The following RHPN2 variants were observed in gnomAD, a reference collection of about 807,000 sequenced individuals.
RHPN2 encodes rhophilin-2.
In RHPN2, 40 loss-of-function variants were observed where a neutral mutation model predicts 79.0. That is an observed-to-expected ratio of 0.51 (90% CI 0.39 to 0.66). RHPN2 has a LOEUF of 0.66. RHPN2 is among the 30% of genes least tolerant of loss of function. The probability of loss-of-function intolerance (pLI) is 0.00; values close to 1 mark genes in which losing one functional copy is unlikely to be tolerated. For synonymous variants in RHPN2, 285 were observed against 363.5 expected, an observed-to-expected ratio of 0.78 and a Z score of 2.46; for missense variants, 686 against 883.5, an observed-to-expected ratio of 0.78 and a Z score of 2.83.
intron 1 of RHPN2, among the ~76,000 whole-genome samples, chr19:33,060,544 T>G (rs1187849969): frequency 6.6e-6 from 1 of 151,956 alleles, no homozygotes; most frequent in Non-Finnish European, 1.5e-5. Context: ...GTTTGTTTGT[T>G]TTTTGTGAGA....
intron 14 of RHPN2, among the ~76,000 whole-genome samples, chr19:32,986,743 G>A (rs1267577270): frequency 1.4e-5 from 2 of 148,024 alleles, no homozygotes; most frequent in African/African-American, 5.0e-5. Flanking sequence ...GCAGTGAGCC[G>A]AGATCACGCC....
intron 1 of RHPN2, among the ~76,000 whole-genome samples, chr19:33,062,779 A>C (rs1271465144): frequency 5.3e-5 from 7 of 132,704 alleles, no homozygotes; most frequent in African/African-American, 2.1e-4. Context: ...TAATAATAAT[A>C]ATAATAATAA....
At chr19:33,003,142 T>TC in intron 7 of RHPN2, 142 bp from the exon 8 acceptor site, 1 of 742,632 alleles carries the variant, frequency 1.3e-6, no homozygotes, top group Non-Finnish European at 2.3e-6. Context: ...GCAGATCACT[T>TC]GTATCAGGAA....
chr19:33,050,633 C>G (rs10425798), intron 1 of RHPN2, among the ~76,000 whole-genome samples: 52,203 of 152,024 alleles, frequency 0.34, 10,885 homozygotes, highest in African/African-American at 0.54. Context: ...TGCTCAATAC[C>G]ATGTTTTCAG....
chr19:32,998,824 G>A (rs1255658001), intron 10 of RHPN2, among the ~76,000 whole-genome samples: 2 of 137,590 alleles, frequency 1.5e-5, no homozygotes, highest in African/African-American at 2.7e-5. Context: ...GAGAGGGGAA[G>A]GGTGAGGGGA....
chr19:32,993,083 A>AGCTATG (rs1971673850), intron 12 of RHPN2, among the ~76,000 whole-genome samples: 1 of 152,130 alleles, frequency 6.6e-6, no homozygotes, highest in Admixed American at 6.6e-5. Context: ...ATGCCGCTGT[A>AGCTATG]ATCCAGCCTA....
chr19:32,983,501 C>T (rs1432674201), intron 14 of RHPN2, among the ~76,000 whole-genome samples: 4 of 149,990 alleles, frequency 2.7e-5, no homozygotes, highest in East Asian at 2.0e-4. Flanking sequence ...GGTGACAGAA[C>T]GAGACTGTCT....
intron 14 of RHPN2, among the ~76,000 whole-genome samples, chr19:32,982,155 C>A (rs534559855): frequency 6.6e-6 from 1 of 152,272 alleles, no homozygotes; most frequent in South Asian, 2.1e-4. Context: ...CACCTGTAAT[C>A]CCAACATTTT....
At chr19:32,998,390 C>T (rs1330158848) in intron 10 of RHPN2, among the ~76,000 whole-genome samples, 4 of 152,200 alleles carry the variant, frequency 2.6e-5, no homozygotes, top group African/African-American at 9.7e-5. Flanking sequence ...TGCCTGTAAA[C>T]CCAGCACTTT....
At chr19:32,991,037 A>G (rs1367216124) in intron 13 of RHPN2, among the ~76,000 whole-genome samples, 1 of 151,274 alleles carries the variant, frequency 6.6e-6, no homozygotes, top group Non-Finnish European at 1.5e-5. Flanking sequence ...AAAAGCCAAA[A>G]TTGGCCAGGC....
intron 2 of RHPN2, among the ~76,000 whole-genome samples, chr19:33,033,198 C>T (rs1235822197): frequency 1.3e-5 from 2 of 152,098 alleles, no homozygotes; most frequent in Non-Finnish European, 2.9e-5. Context: ...GAACAAATGA[C>T]AGAGTGAAGA....
chr19:33,049,091 T>C (rs1337357388), intron 1 of RHPN2, among the ~76,000 whole-genome samples: 1 of 152,184 alleles, frequency 6.6e-6, no homozygotes. Context: ...TAGATTTGAC[T>C]GAGTAATTGG....
intron 2 of RHPN2, among the ~76,000 whole-genome samples, chr19:33,043,231 G>A (rs371410833): frequency 2.0e-5 from 3 of 151,630 alleles, no homozygotes; most frequent in Admixed American, 2.0e-4. Flanking sequence ...CAACAAGAGC[G>A]AAACTCCATC....
intron 12 of RHPN2, 133 bp from the exon 13 acceptor site, chr19:32,992,102 C>T: frequency 2.2e-6 from 2 of 915,230 alleles, no homozygotes; most frequent in East Asian, 2.6e-5. Context: ...CATCTGGGGG[C>T]ATACATGCTA....
At chr19:33,036,943 C>G (rs938231975) in intron 2 of RHPN2, among the ~76,000 whole-genome samples, 1 of 152,082 alleles carries the variant, frequency 6.6e-6, no homozygotes, top group Non-Finnish European at 1.5e-5. Context: ...TGCTCCACGG[C>G]ACCCAGTCCT....
intron 6 of RHPN2, 70 bp from the exon 7 acceptor site, chr19:33,008,250 C>CTTTTTT: frequency 9.2e-7 from 1 of 1,084,132 alleles, no homozygotes; most frequent in Non-Finnish European, 1.3e-6. Context: ...GGAAAAAATT[C>CTTTTTT]TTTTTTTTTT....
At chr19:33,023,356 A>G (rs574907116) in intron 3 of RHPN2, among the ~76,000 whole-genome samples, 4 of 151,268 alleles carry the variant, frequency 2.6e-5, no homozygotes, top group East Asian at 3.9e-4. Flanking sequence ...AATCACTTCA[A>G]CCAGGAGGTG....
intron 10 of RHPN2, among the ~76,000 whole-genome samples, chr19:32,998,011 G>A (rs1216119922): frequency 1.3e-5 from 2 of 152,166 alleles, no homozygotes; most frequent in Admixed American, 6.6e-5. Context: ...GAGGGCTCTC[G>A]CTCCTGTTCT....
At chr19:33,015,173 T>G (rs1971867354) in intron 4 of RHPN2, among the ~76,000 whole-genome samples, 1 of 149,618 alleles carries the variant, frequency 6.7e-6, no homozygotes, top group Non-Finnish European at 1.5e-5. Context: ...ACCTGTAATC[T>G]CAGCACTTTG....
Sources: allele counts gnomAD v4.1 joint callset (sites outside exome capture counted in the v4.1 genomes callset), GRCh38; gene constraint gnomAD v4.1.1; transcripts MANE v1.5; gene names NCBI Gene and HGNC (gene_info 2026-07-23, HGNC 2026-07-21).